The following TUBGCP3 variants were observed in gnomAD, a reference collection of about 807,000 sequenced individuals.
The protein encoded by TUBGCP3 is tubulin gamma complex component 3.
In TUBGCP3, 50 loss-of-function variants were observed where a neutral mutation model predicts 123.1. The observed-to-expected ratio is 0.41, with a 90% CI of 0.32 to 0.51. TUBGCP3 has a LOEUF of 0.51. TUBGCP3 is among the 20% of genes least tolerant of loss of function. The pLI is 0.36. For synonymous variants in TUBGCP3, 405 were observed against 413.9 expected (o/e 0.98, Z 0.26); for missense variants, 882 against 1,127.0 (o/e 0.78, Z 3.11).
At chr13:112,576,210 A>G (rs1881795552) in intron 1 of TUBGCP3, among the ~76,000 whole-genome samples, 1 of 152,230 alleles carries the variant, frequency 6.6e-6, no homozygotes, top group East Asian at 1.9e-4. Context: ...GTCAAAAGAA[A>G]GGTCAGAACA....
intron 3 of TUBGCP3, among the ~76,000 whole-genome samples, chr13:112,564,274 A>G (rs1194326664): frequency 2.0e-5 from 3 of 152,254 alleles, no homozygotes; most frequent in African/African-American, 4.8e-5. Flanking sequence ...AGAGCACAAT[A>G]TAACAACAGA....
At chr13:112,555,125 A>AT in intron 6 of TUBGCP3, 120 bp from the exon 7 acceptor site, 1 of 627,056 alleles carries the variant, frequency 1.6e-6, no homozygotes, top group Non-Finnish European at 2.8e-6. Flanking sequence ...TACTAACTCA[A>AT]TAAATAAGCT....
chr13:112,535,422 C>T (rs1450840807), intron 11 of TUBGCP3, among the ~76,000 whole-genome samples: 2 of 152,214 alleles, frequency 1.3e-5, no homozygotes, highest in African/African-American at 2.4e-5. Flanking sequence ...CGATGCAGTT[C>T]CCAATTTCTC....
chr13:112,518,528 A>G (rs1876350315), intron 16 of TUBGCP3, among the ~76,000 whole-genome samples: 2 of 152,232 alleles, frequency 1.3e-5, no homozygotes, highest in Non-Finnish European at 2.9e-5. Flanking sequence ...GGTAACTGTT[A>G]TGTAGGTAAA....
intron 11 of TUBGCP3, among the ~76,000 whole-genome samples, chr13:112,534,279 G>A (rs1406065231): frequency 1.3e-5 from 2 of 152,202 alleles, no homozygotes; most frequent in Non-Finnish European, 2.9e-5. Flanking sequence ...GGGCGCGGCG[G>A]CTCACGCCTG....
chr13:112,543,879 A>C (rs1878729638), intron 11 of TUBGCP3, among the ~76,000 whole-genome samples: 1 of 152,232 alleles, frequency 6.6e-6, no homozygotes, highest in Non-Finnish European at 1.5e-5. Flanking sequence ...AATCCATAAG[A>C]AAAATGGGCA....
chr13:112,485,989 A>G lies in TUBGCP3; in HGVS notation c.*4T>C, dbSNP rs1327508847. On this transcript the variant is annotated 3_prime_UTR_variant, in exon 22 of 22. Coordinates refer to ENST00000261965, the MANE Select transcript of TUBGCP3 (RefSeq NM_006322.6). The stretch of plus-strand genomic sequence containing the variant: ...CCCGCAGCTCCCTGGGAGGACCGCG[A>G]GCTTCACGTGTGGGAGCTGCGCCGC... 2 of 1,585,422 alleles carry G rather than the reference A, an allele frequency of 1.3e-6. No homozygotes were observed. Among genetic ancestry groups the G allele is most frequent in the African/African-American group, 2.7e-5 (2 of 74,144 alleles).
chr13:112,512,725 A>G (rs975766277), intron 17 of TUBGCP3, among the ~76,000 whole-genome samples: 3 of 152,064 alleles, frequency 2.0e-5, no homozygotes, highest in Middle Eastern at 3.4e-3. Context: ...ACGGAGTGAG[A>G]CTCCATCTCA....
chr13:112,531,275 CTTATCT>C (rs1458498370), intron 11 of TUBGCP3, among the ~76,000 whole-genome samples: 1 of 152,138 alleles, frequency 6.6e-6, no homozygotes, highest in Non-Finnish European at 1.5e-5. Flanking sequence ...ACTAAAATGT[CTTATCT>C]TTAAGTATCA....
At chr13:112,555,813 A>G (rs911129004) in intron 6 of TUBGCP3, among the ~76,000 whole-genome samples, 4 of 152,182 alleles carry the variant, frequency 2.6e-5, no homozygotes, top group Non-Finnish European at 5.9e-5. Flanking sequence ...GGAGGAGGCC[A>G]CATGGAAAAG....
In TUBGCP3 at chr13:112,548,217, T is replaced by C. The variant is rs183410177; in HGVS notation, c.967-41A>G. 1.4e-4 allele frequency: 212 copies of C among 1,490,658 alleles called. No individual in the cohort carries two copies. In the African/African-American group the frequency reaches 2.5e-3, roughly 18 times the overall value. The allele number at this position is 1,490,658 out of a possible 1,614,324, so 92.3% of individuals were successfully genotyped here. A position where few individuals can be genotyped will look rare whatever the true frequency, so the allele number is the denominator to read the frequency against. On this transcript the variant is annotated intron_variant, in intron 8 of 21. Coordinates refer to ENST00000261965, the MANE Select transcript of TUBGCP3 (RefSeq NM_006322.6). ...ATATAATTAAAGCACGACACACTCATTACACATTGACTGATTTTAAGTGGA... is the reference window on the plus strand; with the variant it reads ...ATATAATTAAAGCACGACACACTCACTACACATTGACTGATTTTAAGTGGA...
intron 4 of TUBGCP3, among the ~76,000 whole-genome samples, chr13:112,558,834 C>A (rs1288960688): frequency 6.6e-6 from 1 of 152,228 alleles, no homozygotes; most frequent in Non-Finnish European, 1.5e-5. Context: ...TCTTTGCACT[C>A]CCACGTCTCT....
intron 1 of TUBGCP3, among the ~76,000 whole-genome samples, chr13:112,584,615 T>G (rs77315970): frequency 0.058 from 8,782 of 152,298 alleles, 458 homozygotes; most frequent in African/African-American, 0.14. Context: ...AGGACACTCA[T>G]AGAGGTCTTG....
intron 19 of TUBGCP3, 114 bp downstream of exon 19, chr13:112,503,913 CTGAAT>C: frequency 2.4e-6 from 3 of 1,274,878 alleles, no homozygotes; most frequent in Admixed American, 2.4e-5. Flanking sequence ...ATAAAATTAT[CTGAAT>C]TATTACCAAT....
intron 11 of TUBGCP3, among the ~76,000 whole-genome samples, chr13:112,529,009 G>T (rs977456283): frequency 1.3e-5 from 2 of 152,058 alleles, no homozygotes; most frequent in African/African-American, 4.8e-5. Context: ...ACACCACCAT[G>T]CCTGGCTAAT....
At chr13:112,599,339 C>G in the TUBGCP3 span, among the ~76,000 whole-genome samples, 1 of 152,174 alleles carries the variant, frequency 6.6e-6, no homozygotes, top group East Asian at 1.9e-4. Flanking sequence ...CGCTCCACTT[C>G]CCTACGGATA....
intron 1 of TUBGCP3, among the ~76,000 whole-genome samples, chr13:112,587,578 GCGAGCGGAGTGAGCGGTGA>G (rs1882702855): frequency 6.6e-6 from 1 of 152,214 alleles, no homozygotes; most frequent in South Asian, 2.1e-4. Flanking sequence ...TGACGGACCC[GCGAGCGGAGTGAGCGGTGA>G]CTCAGCCCGC....
In TUBGCP3 at chr13:112,550,415, A is replaced by T. The variant is rs118132902; in HGVS notation, c.967-2239T>A. On this transcript the variant is annotated intron_variant, in intron 8 of 21. Transcript: ENST00000261965. ...AACATTTTCAAGTATGAAAATGAAC[A>T]TAAAACATACTAATTTTGTAGACAC... Among the ~76,000 whole-genome samples the T allele has an allele frequency of 2.9e-4, 44 of 152,334 alleles. 2 individuals are homozygous for T. The East Asian group carries it at 8.3e-3, about 29-fold the overall frequency.
chr13:112,596,125 G>T, the TUBGCP3 span, among the ~76,000 whole-genome samples: 1 of 152,158 alleles, frequency 6.6e-6, no homozygotes, highest in Non-Finnish European at 1.5e-5. Flanking sequence ...TGAGAACCAC[G>T]CTAAATGGTG....
Sources: gnomAD v4.1 joint callset for allele counts (sites outside exome capture counted in the v4.1 genomes callset) on GRCh38, gnomAD v4.1.1 for gene constraint, MANE v1.5 for transcripts, NCBI Gene and HGNC (gene_info 2026-07-23, HGNC 2026-07-21) for gene names.